Variants in SEPTIN8 observed in about 807,000 individuals in gnomAD.
SEPTIN8 encodes septin-8.
Under a neutral mutation model 53.1 loss-of-function variants are expected in SEPTIN8, and 22 were observed. The observed-to-expected ratio is 0.41, with a 90% CI of 0.30 to 0.59. The LOEUF is 0.59. Ranked by LOEUF, SEPTIN8 falls within the 20% of genes least tolerant of loss-of-function variation. The probability of loss-of-function intolerance (pLI) is 0.24; values close to 1 mark genes in which losing one functional copy is unlikely to be tolerated. For missense variants in SEPTIN8, 536 were observed against 638.7 expected (o/e 0.84, Z 1.73); for synonymous variants, 228 against 248.4 (o/e 0.92, Z 0.77).
At chr5:132,769,982 CATATATATATAT>C (rs1164726534) in intron 1 of SEPTIN8, among the ~76,000 whole-genome samples, 918 of 55,274 alleles carry the variant, frequency 0.017, 34 homozygotes, top group African/African-American at 0.052. Flanking sequence ...TCTATATATA[CATATATATATAT>C]ATATATATAT....
At chr5:132,754,421 G>A in intron 9 of SEPTIN8, 3 of 717,456 alleles carry the variant, frequency 4.2e-6, no homozygotes, top group Non-Finnish European at 7.8e-6. Context: ...TACCAGTTTA[G>A]GCATCCCAGG....
chr5:132,771,735 G>A (rs1484573148), intron 1 of SEPTIN8, among the ~76,000 whole-genome samples: 3 of 152,320 alleles, frequency 2.0e-5, no homozygotes, highest in East Asian at 1.9e-4. Context: ...ACCCGTGGTC[G>A]CGGTCATAAG....
intron 4 of SEPTIN8, 115 bp from the exon 5 acceptor site, chr5:132,762,760 AG>A (rs943074698): frequency 6.8e-6 from 8 of 1,170,900 alleles, no homozygotes; most frequent in Admixed American, 3.8e-5. Context: ...GGCAGGGGGA[AG>A]GAGGCCAGAG....
At chr5:132,768,588 C>G (rs560775407) in intron 1 of SEPTIN8, among the ~76,000 whole-genome samples, 1 of 152,360 alleles carries the variant, frequency 6.6e-6, no homozygotes, top group Non-Finnish European at 1.5e-5. Flanking sequence ...CACATCTCAG[C>G]TACCATGACT....
In SEPTIN8 at chr5:132,751,481, A is replaced by G. The variant is rs1286047448; in HGVS notation, c.*535T>C. 2 of 190,206 alleles carry G rather than the reference A, an allele frequency of 1.1e-5. No homozygotes were observed. The highest frequency in any genetic ancestry group is 2.2e-5 in the Non-Finnish European group (2 of 92,374). 11.8% of individuals were successfully genotyped at this position (190,206 alleles called of 1,614,324 possible). ...GTTGGGGGAATGATGGTCATCCTTA[A>G]GGATATGATTCTGTTAGTAAGGCAA... On this transcript the variant is annotated 3_prime_UTR_variant, in exon 10 of 10. Coordinates refer to ENST00000378719, the MANE Select transcript of SEPTIN8 (RefSeq NM_001098811.2).
rs952186267 is a variant in SEPTIN8 at position 132,762,551 on chromosome 5, T to C, written c.629A>G (p.Asn210Ser). The C allele has an allele frequency of 8.7e-6, 14 of 1,614,230 alleles. No homozygotes were observed. Among genetic ancestry groups the C allele is most frequent in the African/African-American group, 1.3e-5 (1 of 75,086 alleles). Reference sequence around the variant, plus strand: ...GGGGAACTGGTAGATCTGGACCCCGTTGCTGACCAACTCGCCCATGATCTT... The same window carrying C: ...GGGGAACTGGTAGATCTGGACCCCGCTGCTGACCAACTCGCCCATGATCTT... Reference protein sequence around the residue: ...KIKIMGELVSNGVQIYQFPTD... With the variant: ...KIKIMGELVSSGVQIYQFPTD... The change falls in exon 5 of 10, where the codon AAC becomes AGC. Residue 210 changes from asparagine (N) to serine (S), a missense_variant. Asn to Ser is a conservative substitution (Grantham distance 46, BLOSUM62 1). Around this residue, in one of 3 missense-constraint regions of SEPTIN8, gnomAD observed 395 missense variants for 451.8 expected, o/e 0.87. Transcript: ENST00000378719.
At chr5:132,757,693 T>C (rs1285206706) in intron 9 of SEPTIN8, 28 of 985,310 alleles carry the variant, frequency 2.8e-5, no homozygotes, top group Non-Finnish European at 3.4e-5. Flanking sequence ...TACCAGGCCG[T>C]ATTCTCAACA....
upstream of SEPTIN8, chr5:132,777,446 G>A (rs1187690053): frequency 2.2e-5 from 22 of 991,338 alleles, no homozygotes; most frequent in Non-Finnish European, 2.6e-5. This position sits in a 1 kb window ranked among gnomAD's most constrained non-coding sequence, Gnocchi z 4.1. Flanking sequence ...CTTGTAGTCC[G>A]CGCGTTGGGG....
chr5:132,773,642 C>T lies in SEPTIN8; in HGVS notation c.30+3466G>A, dbSNP rs1305182809. ...GATAATGCGCTCAAAGCACCCACTG[C>T]CCTCCTTGCCATCCAAGGTTTTTGA... On this transcript the variant is annotated intron_variant, in intron 1 of 9. Transcript: ENST00000378719. The surrounding 1 kb of genome is among the most constrained non-coding windows in gnomAD (Gnocchi z 4.2). Among the ~76,000 whole-genome samples the T allele has an allele frequency of 6.6e-6, 1 of 152,206 alleles. No homozygotes were observed. The highest frequency in any genetic ancestry group is 1.5e-5 in the Non-Finnish European group (1 of 68,030).
intron 9 of SEPTIN8, chr5:132,757,530 G>A (rs1001004089): frequency 7.3e-5 from 72 of 985,392 alleles, no homozygotes; most frequent in South Asian, 1.9e-4. Context: ...AAATTAGCAC[G>A]TCTTCCTGAG....
At chr5:132,752,952 T>G (rs1329482862) in intron 9 of SEPTIN8, 1 of 1,614,102 alleles carries the variant, frequency 6.2e-7, no homozygotes, top group East Asian at 2.2e-5. Context: ...CAGACAACTT[T>G]GTGTCACCTG....
At chr5:132,770,010 T>TACAC (rs1337994862) in intron 1 of SEPTIN8, among the ~76,000 whole-genome samples, 5 of 57,496 alleles carry the variant, frequency 8.7e-5, no homozygotes, top group African/African-American at 3.2e-4. Flanking sequence ...TATATATATA[T>TACAC]ATATATATAT....
Position 132,754,707 on chromosome 5 carries a change from C to A in SEPTIN8, c.1287-2526G>T, listed in dbSNP as rs1755178159. Among the ~76,000 whole-genome samples the A allele has an allele frequency of 3.9e-5, 6 of 152,222 alleles. No individual in the cohort carries two copies. In the South Asian group the frequency reaches 1.2e-3, roughly 32 times the overall value. On this transcript the variant is annotated intron_variant, in intron 9 of 9. Transcript: ENST00000378719. ...AAGCTTGCCGTGGGGCCCCAGGTCC[C>A]ATCCTACTTCCCTCTAATATTCTTT...
At chr5:132,777,858 A>G, upstream of SEPTIN8, 1 of 985,502 alleles carries the variant, frequency 1.0e-6, no homozygotes, top group Non-Finnish European at 1.2e-6. This position sits in a 1 kb window ranked among gnomAD's most constrained non-coding sequence, Gnocchi z 4.1. Context: ...CTCCTTGTGC[A>G]ACCAACGAGC....
chr5:132,757,455 G>T, intron 9 of SEPTIN8: 1 of 985,480 alleles, frequency 1.0e-6, no homozygotes. Flanking sequence ...AAGCCAGACA[G>T]AAAGGGGGAA....
chr5:132,773,850 A>G lies in SEPTIN8; in HGVS notation c.30+3258T>C, dbSNP rs1193949538. 4 of 152,396 alleles carry G rather than the reference A, an allele frequency of 2.6e-5. No individual in the cohort carries two copies. 9.4% of individuals were successfully genotyped at this position (152,396 alleles called of 1,614,324 possible). ...CTGACCCACTGCAATCAAGACCCCA[A>G]GGAGACCTTCCTAAGGTGGGCACAC... On this transcript the variant is annotated intron_variant, in intron 1 of 9. Coordinates refer to ENST00000378719, the MANE Select transcript of SEPTIN8 (RefSeq NM_001098811.2). The surrounding 1 kb of genome is among the most constrained non-coding windows in gnomAD (Gnocchi z 4.2).
chr5:132,776,331 G>A lies in SEPTIN8; in HGVS notation c.30+777C>T, dbSNP rs1291811742. 1.3e-5 allele frequency among the ~76,000 whole-genome samples: 2 copies of A among 152,282 alleles called. No individual in the cohort carries two copies. Among genetic ancestry groups the A allele is most frequent in the East Asian group, 1.9e-4 (1 of 5,174 alleles). ...ACAACCCCCCAAAGGCCTCCCTCCCGCGAGTGAATTATGAAAGCCTTTAGT... is the reference window on the plus strand; with the variant it reads ...ACAACCCCCCAAAGGCCTCCCTCCCACGAGTGAATTATGAAAGCCTTTAGT... On this transcript the variant is annotated intron_variant, in intron 1 of 9. Coordinates refer to ENST00000378719, the MANE Select transcript of SEPTIN8 (RefSeq NM_001098811.2). The surrounding 1 kb of genome is among the most constrained non-coding windows in gnomAD (Gnocchi z 4.4).
chr5:132,756,926 T>C (rs1755397525), intron 9 of SEPTIN8: 23 of 985,304 alleles, frequency 2.3e-5, no homozygotes, highest in Non-Finnish European at 2.8e-5. Context: ...TCTTCATAAA[T>C]ATGTTAGCTG....
At chr5:132,756,171 T>C in intron 9 of SEPTIN8, 2 of 985,488 alleles carry the variant, frequency 2.0e-6, no homozygotes, top group African/African-American at 3.5e-5. Context: ...CTCGTATCCA[T>C]GAGCCCCACT....
Sources: allele counts gnomAD v4.1 joint callset (sites outside exome capture counted in the v4.1 genomes callset), GRCh38; gene constraint gnomAD v4.1.1; regional missense constraint gnomAD v4.1.1; non-coding constraint Gnocchi (gnomAD v3.1); transcripts MANE v1.5; gene names NCBI Gene and HGNC (gene_info 2026-07-23, HGNC 2026-07-21).